The following NBAS variants were observed in gnomAD, a reference collection of about 807,000 sequenced individuals.
NBAS encodes the protein NAG/BC035112 fusion.
NBAS carries 219 observed loss-of-function variants against 302.5 expected under a neutral mutation model. The observed-to-expected ratio is 0.72, with a 90% CI of 0.65 to 0.81. The LOEUF (loss-of-function observed/expected upper bound fraction) is 0.81. NBAS is among the 30% of genes least tolerant of loss of function. The pLI is 0.00. For synonymous variants in NBAS, 1,118 were observed against 1,021.6 expected (o/e 1.09, Z -1.80); for missense variants, 2,932 against 2,841.6 (o/e 1.03, Z -0.72).
chr2:15,148,617 G>A, the NBAS span, among the ~76,000 whole-genome samples: 2 of 152,112 alleles, frequency 1.3e-5, no homozygotes, highest in African/African-American at 4.8e-5. Flanking sequence ...GGAGGTTTAC[G>A]GAAGATTAAA....
intron 35 of NBAS, among the ~76,000 whole-genome samples, chr2:15,339,514 AT>A (rs1224779744): frequency 6.6e-6 from 1 of 152,208 alleles, no homozygotes; most frequent in Non-Finnish European, 1.5e-5. Flanking sequence ...ACAAATATTT[AT>A]GACACCAACT....
At chr2:15,196,012 G>T (rs1665602926) in intron 48 of NBAS, among the ~76,000 whole-genome samples, 1 of 152,168 alleles carries the variant, frequency 6.6e-6, no homozygotes, top group Non-Finnish European at 1.5e-5. Context: ...CAAGTCAAAG[G>T]TCAGACAGGG....
intron 42 of NBAS, among the ~76,000 whole-genome samples, chr2:15,277,816 C>A (rs539416241): frequency 1.8e-4 from 27 of 152,216 alleles, no homozygotes; most frequent in African/African-American, 5.8e-4. Flanking sequence ...TTGGTTTGTG[C>A]TTTTAGAAGG....
chr2:15,238,781 T>C (rs963616693), intron 44 of NBAS, 95 bp from the exon 45 acceptor site: 1 of 1,133,088 alleles, frequency 8.8e-7, no homozygotes, highest in Non-Finnish European at 1.2e-6. Context: ...GTGAAATTTT[T>C]GTATATATGA....
At chr2:15,439,155 T>C (rs1322809795) in intron 21 of NBAS, among the ~76,000 whole-genome samples, 1 of 151,562 alleles carries the variant, frequency 6.6e-6, no homozygotes, top group African/African-American at 2.4e-5. Flanking sequence ...CAAAAAAAAT[T>C]AGCCGGGTGC....
chr2:15,031,972 T>C, the NBAS span, among the ~76,000 whole-genome samples: 1 of 151,982 alleles, frequency 6.6e-6, no homozygotes, highest in Non-Finnish European at 1.5e-5. Flanking sequence ...AGCACAAGTC[T>C]TGAGTAACTA....
chr2:15,455,875 G>A (rs1209805257), intron 21 of NBAS, among the ~76,000 whole-genome samples: 1 of 151,758 alleles, frequency 6.6e-6, no homozygotes, highest in Non-Finnish European at 1.5e-5. Flanking sequence ...AATAGAAAAA[G>A]AGCAAAAATG....
intron 6 of NBAS, among the ~76,000 whole-genome samples, chr2:15,545,619 C>T (rs373736488): frequency 5.6e-4 from 85 of 152,290 alleles, no homozygotes; most frequent in East Asian, 4.6e-3. Context: ...TTATTAATTA[C>T]TAGTATTTTA....
chr2:15,453,258 T>C (rs1440958666), intron 21 of NBAS, among the ~76,000 whole-genome samples: 4 of 152,126 alleles, frequency 2.6e-5, no homozygotes, highest in African/African-American at 4.8e-5. Flanking sequence ...GAGAATAAAG[T>C]ACCAAAGCCA....
intron 35 of NBAS, among the ~76,000 whole-genome samples, chr2:15,343,137 C>CT (rs1235593867): frequency 6.6e-6 from 1 of 152,050 alleles, no homozygotes; most frequent in African/African-American, 2.4e-5. Context: ...ACTGTCCAGG[C>CT]TATGCATTTA....
intron 4 of NBAS, 113 bp downstream of exon 4, chr2:15,553,948 T>A: frequency 1.2e-6 from 1 of 851,490 alleles, no homozygotes; most frequent in Non-Finnish European, 1.9e-6. Flanking sequence ...ACAAAGAAAT[T>A]TACACACAAT....
At chr2:15,017,721 A>T in the NBAS span, among the ~76,000 whole-genome samples, 35 of 152,068 alleles carry the variant, frequency 2.3e-4, no homozygotes, top group African/African-American at 8.0e-4. Flanking sequence ...GTACAGCTAC[A>T]ATGGAAAACA....
the NBAS span, among the ~76,000 whole-genome samples, chr2:14,844,071 C>T: frequency 5.9e-5 from 9 of 152,110 alleles, no homozygotes; most frequent in African/African-American, 2.2e-4. Context: ...GTTAGGGCAA[C>T]TAAGGGAGTG....
chr2:15,404,990 A>C (rs922453270), intron 25 of NBAS, among the ~76,000 whole-genome samples: 3 of 152,030 alleles, frequency 2.0e-5, no homozygotes, highest in African/African-American at 7.2e-5. Flanking sequence ...CTTCTACATA[A>C]AGTTTTATTT....
intron 44 of NBAS, among the ~76,000 whole-genome samples, chr2:15,260,036 G>T (rs756136386): frequency 6.6e-6 from 1 of 152,120 alleles, no homozygotes; most frequent in Non-Finnish European, 1.5e-5. Context: ...ATGTGTTCTT[G>T]TATGTTTTTA....
intron 10 of NBAS, among the ~76,000 whole-genome samples, chr2:15,510,594 G>A (rs866182283): frequency 3.5e-4 from 53 of 152,210 alleles, no homozygotes; most frequent in Admixed American, 3.3e-3. Context: ...TTGATTGCTT[G>A]AATTATCAAA....
At chr2:15,027,360 A>G in the NBAS span, among the ~76,000 whole-genome samples, 1 of 151,910 alleles carries the variant, frequency 6.6e-6, no homozygotes, top group Non-Finnish European at 1.5e-5. Context: ...TAAGTATTTT[A>G]TATTTTTCTT....
At chr2:15,311,431 T>C (rs927606981) in intron 38 of NBAS, among the ~76,000 whole-genome samples, 2 of 152,182 alleles carry the variant, frequency 1.3e-5, no homozygotes, top group South Asian at 4.1e-4. Flanking sequence ...CAGGCTTGAG[T>C]AAGCAAATTC....
At chr2:15,262,170 T>C (rs988172675) in intron 44 of NBAS, among the ~76,000 whole-genome samples, 1 of 152,210 alleles carries the variant, frequency 6.6e-6, no homozygotes, top group Non-Finnish European at 1.5e-5. Flanking sequence ...TGTCACTCTA[T>C]CTGGATGGAT....
Sources: allele counts gnomAD v4.1 joint callset (sites outside exome capture counted in the v4.1 genomes callset), GRCh38; gene constraint gnomAD v4.1.1; transcripts MANE v1.5; gene names NCBI Gene and HGNC (gene_info 2026-07-23, HGNC 2026-07-21).